UQCC1: variants seen among roughly 807,000 people sequenced by gnomAD.
UQCC1 encodes ubiquinol-cytochrome c reductase complex assembly factor 1, also known as bFGF-repressed Zic-binding protein.
In UQCC1, 38 loss-of-function variants were observed where a neutral mutation model predicts 48.0. The observed-to-expected ratio is 0.79, with a 90% CI of 0.61 to 1.04. The LOEUF is 1.04. Among genes scored for constraint, UQCC1 ranks in the 50% least tolerant of loss-of-function variants. The pLI is 0.00. For missense variants in UQCC1, 368 were observed against 381.8 expected (o/e 0.96, Z 0.30); for synonymous variants, 111 against 129.2 (o/e 0.86, Z 0.95).
At chr20:35,397,968 G>A (rs542962738) in intron 1 of UQCC1, among the ~76,000 whole-genome samples, 2 of 152,210 alleles carry the variant, frequency 1.3e-5, no homozygotes, top group East Asian at 3.9e-4. Flanking sequence ...TTACATATAT[G>A]AACTCATTTA....
At chr20:35,323,527 A>G (rs2061156069) in intron 7 of UQCC1, among the ~76,000 whole-genome samples, 1 of 152,184 alleles carries the variant, frequency 6.6e-6, no homozygotes, top group South Asian at 2.1e-4. Context: ...TTCTCCCCTC[A>G]TTTATTTTAA....
chr20:35,411,896 C>T, intron 1 of UQCC1, 44 bp downstream of exon 1: 1 of 1,613,984 alleles, frequency 6.2e-7, no homozygotes, highest in Admixed American at 1.7e-5. Flanking sequence ...GAACTCCAAC[C>T]CGGGACCCAG....
intron 9 of UQCC1, 102 bp from the exon 10 acceptor site, chr20:35,304,171 G>A: frequency 2.7e-6 from 4 of 1,464,194 alleles, no homozygotes; most frequent in South Asian, 1.2e-5. Context: ...GGAAGGGGAC[G>A]GGGCATGAGG....
At chr20:35,309,245 C>T in intron 8 of UQCC1, 1 of 444,314 alleles carries the variant, frequency 2.3e-6, no homozygotes, top group Admixed American at 2.4e-5. Flanking sequence ...CCAGCCTGGA[C>T]AACATGGCGA....
At chr20:35,399,717 C>T (rs1021938799) in intron 1 of UQCC1, among the ~76,000 whole-genome samples, 1 of 151,558 alleles carries the variant, frequency 6.6e-6, no homozygotes, top group Non-Finnish European at 1.5e-5. Context: ...ATTAGCCGGG[C>T]GTGGTGGCAG....
rs2146283154 is a variant in UQCC1 at position 35,303,195 on chromosome 20, T to G, written c.*740A>C. On this transcript the variant is annotated 3_prime_UTR_variant, in exon 10 of 10. Transcript: ENST00000374385. ...CTGGGAGTGACAAAGGTGACTTTGT[T>G]CTCAAGGCCTCCTTCCAAATGACTT... is the stretch of plus-strand genomic sequence containing the variant. 6.6e-6 allele frequency: 1 copy of G among 152,330 alleles called. No individual in the cohort carries two copies. The highest frequency in any genetic ancestry group is 2.1e-4 in the South Asian group (1 of 4,826). The allele number at this position is 152,330 out of a possible 1,614,324, so 9.4% of individuals were successfully genotyped here. A position where few individuals can be genotyped will look rare whatever the true frequency, so the allele number is the denominator to read the frequency against.
chr20:35,309,070 G>A (rs1265975822), intron 8 of UQCC1: 1 of 446,118 alleles, frequency 2.2e-6, no homozygotes, highest in African/African-American at 2.0e-5. Flanking sequence ...CTAACTGATG[G>A]CTGAACTAGA....
intron 5 of UQCC1, among the ~76,000 whole-genome samples, chr20:35,372,224 G>A (rs1374347713): frequency 6.6e-6 from 1 of 151,424 alleles, no homozygotes; most frequent in Non-Finnish European, 1.5e-5. Context: ...AGGCAGAATT[G>A]CTTGAATCCG....
Position 35,303,865 on chromosome 20 carries a change from G to A in UQCC1, c.*70C>T. The A allele has an allele frequency of 6.2e-7, 1 of 1,609,966 alleles. No homozygotes were observed. The highest frequency in any genetic ancestry group is 1.7e-5 in the Admixed American group (1 of 59,926). On this transcript the variant is annotated 3_prime_UTR_variant, in exon 10 of 10. Coordinates refer to ENST00000374385, the MANE Select transcript of UQCC1 (RefSeq NM_018244.5). ...TCAGGCCACTTTCTGCAGGGTCCTG[G>A]ACCAACAGGCACTTCTCTCCTGGAG...
intron 4 of UQCC1, among the ~76,000 whole-genome samples, chr20:35,374,480 TC>T (rs1295669976): frequency 6.6e-6 from 1 of 152,232 alleles, no homozygotes; most frequent in Admixed American, 6.5e-5. Flanking sequence ...CATGAAAACC[TC>T]AGAAAGGCTT....
At chr20:35,354,419 C>A (rs1312965453) in intron 6 of UQCC1, among the ~76,000 whole-genome samples, 1 of 147,766 alleles carries the variant, frequency 6.8e-6, no homozygotes, top group East Asian at 2.0e-4. Context: ...TGTTTTGAGA[C>A]AGAGTCTTGC....
intron 6 of UQCC1, among the ~76,000 whole-genome samples, chr20:35,349,203 C>T (rs1009466021): frequency 6.6e-6 from 1 of 152,170 alleles, no homozygotes; most frequent in Non-Finnish European, 1.5e-5. Context: ...AACATATTTA[C>T]CAAATTTGCA....
intron 7 of UQCC1, among the ~76,000 whole-genome samples, chr20:35,339,440 T>C (rs979538237): frequency 2.0e-5 from 3 of 152,126 alleles, no homozygotes; most frequent in African/African-American, 7.2e-5. Flanking sequence ...TATAGTGCCA[T>C]GAGCAGACAG....
intron 6 of UQCC1, among the ~76,000 whole-genome samples, chr20:35,359,568 T>G (rs1178996441): frequency 6.6e-6 from 1 of 152,176 alleles, no homozygotes; most frequent in Non-Finnish European, 1.5e-5. Context: ...TCACTCTGCT[T>G]GGGCCCTCTG....
chr20:35,338,031 T>C (rs35358306), intron 7 of UQCC1, among the ~76,000 whole-genome samples: 3,769 of 149,754 alleles, frequency 0.025, 166 homozygotes, highest in African/African-American at 0.087. Flanking sequence ...CCTCTACCCT[T>C]AAAAAAAACA....
chr20:35,348,368 TCTTTTTTG>T (rs1436404066), intron 6 of UQCC1, among the ~76,000 whole-genome samples: 2 of 129,138 alleles, frequency 1.5e-5, no homozygotes. Flanking sequence ...CATAGTTCAT[TCTTTTTTG>T]TTTTGTTTTG....
chr20:35,360,006 A>C (rs2061588780), intron 6 of UQCC1, among the ~76,000 whole-genome samples: 1 of 150,192 alleles, frequency 6.7e-6, no homozygotes, highest in South Asian at 2.1e-4. Flanking sequence ...AAGCCATCTC[A>C]CCTGACAACG....
intron 5 of UQCC1, among the ~76,000 whole-genome samples, chr20:35,373,654 T>C (rs1294061158): frequency 8.0e-6 from 1 of 124,502 alleles, no homozygotes; most frequent in East Asian, 2.3e-4. Context: ...ACCACTGCAC[T>C]CCGGCCTGGG....
At chr20:35,362,931 C>G (rs1568682775) in intron 6 of UQCC1, among the ~76,000 whole-genome samples, 1 of 151,596 alleles carries the variant, frequency 6.6e-6, no homozygotes, top group Admixed American at 6.6e-5. Flanking sequence ...AGCCTTGGAG[C>G]CTCCTCCCTC....
Sources: gnomAD v4.1 joint callset for allele counts (sites outside exome capture counted in the v4.1 genomes callset) on GRCh38, gnomAD v4.1.1 for gene constraint, MANE v1.5 for transcripts, NCBI Gene and HGNC (gene_info 2026-07-23, HGNC 2026-07-21) for gene names.